RIPOR1: variants seen among roughly 807,000 people sequenced by gnomAD.
RIPOR1 encodes rho family-interacting cell polarization regulator 1.
RIPOR1 carries 58 observed loss-of-function variants against 116.5 expected under a neutral mutation model. The observed-to-expected ratio is 0.50, with a 90% CI of 0.40 to 0.62. The LOEUF (loss-of-function observed/expected upper bound fraction) is 0.62, where lower values mean the gene tolerates loss of function less well. RIPOR1 is among the 20% of genes least tolerant of loss of function. The pLI is 0.00. For missense variants in RIPOR1, 1,372 were observed against 1,586.2 expected (o/e 0.86, Z 2.29); for synonymous variants, 605 against 650.0 (o/e 0.93, Z 1.05).
At chr16:67,521,464 C>T (rs1267323590) in intron 1 of RIPOR1, among the ~76,000 whole-genome samples, 1 of 152,228 alleles carries the variant, frequency 6.6e-6, no homozygotes, top group Non-Finnish European at 1.5e-5. Context: ...ACACTGCAGC[C>T]TTCCTTTGTC....
intron 1 of RIPOR1, among the ~76,000 whole-genome samples, chr16:67,535,096 G>C (rs573897588): frequency 6.6e-6 from 1 of 152,158 alleles, no homozygotes; most frequent in East Asian, 1.9e-4. Context: ...ACCCACCTCT[G>C]CCTCCCAAAG....
Position 67,541,601 on chromosome 16 carries a change from G to GAGGAGGGCC in RIPOR1, c.950+32_951-35dup, listed in dbSNP as rs768811946. On this transcript the variant is annotated intron_variant, in intron 11 of 21. Coordinates refer to ENST00000042381, the MANE Select transcript of RIPOR1 (RefSeq NM_024519.4). This position sits in a 1 kb window ranked among gnomAD's most constrained non-coding sequence, Gnocchi z 4.6. ...GAGGTTGGTGGGGCTGAGAGGCTTG[G>GAGGAGGGCC]AGGAGGGCCAGGAGGGCTGTGGCAC... 18 of 1,613,890 alleles carry GAGGAGGGCC rather than the reference G, an allele frequency of 1.1e-5. No homozygotes were observed. The highest frequency in any genetic ancestry group is 1.4e-5 in the Non-Finnish European group (16 of 1,179,934).
intron 1 of RIPOR1, among the ~76,000 whole-genome samples, chr16:67,521,192 C>A (rs755295368): frequency 1.2e-4 from 19 of 152,194 alleles, no homozygotes; most frequent in Non-Finnish European, 2.5e-4. Flanking sequence ...GCCAGGGGCA[C>A]CCCCTTGAGC....
Position 67,542,912 on chromosome 16 carries a change from C to G in RIPOR1, c.2126C>G (p.Pro709Arg). The G allele has an allele frequency of 6.2e-7, 1 of 1,607,366 alleles. No homozygotes were observed. The highest frequency in any genetic ancestry group is 1.1e-5 in the South Asian group (1 of 90,198). The change falls in exon 13 of 22, where the codon CCA becomes CGA. Residue 709 changes from proline to arginine, a missense_variant. Physicochemically the swap from Pro to Arg is moderately radical, Grantham distance 103. Transcript: ENST00000042381. The surrounding 1 kb of genome is among the most constrained non-coding windows in gnomAD (Gnocchi z 4.6). ...PGTDSLPCSPPVSNSYTQADP... is the reference protein window; with the variant it reads ...PGTDSLPCSPRVSNSYTQADP... The stretch of plus-strand genomic sequence containing the variant: ...ACTGACTCCCTTCCCTGTAGTCCCC[C>G]AGTCTCCAATTCCTACACTCAGGCA...
upstream of RIPOR1, among the ~76,000 whole-genome samples, chr16:67,525,091 C>G (rs1336509013): frequency 6.6e-6 from 1 of 152,256 alleles, no homozygotes; most frequent in African/African-American, 2.4e-5. Context: ...CCCCCAGCCT[C>G]AGCTGCTCCT....
In RIPOR1 at chr16:67,544,261, G is replaced by T; in HGVS notation, c.2601-38G>T. ...TAAACGCTGGTGACCAGGTGGTGAT[G>T]TGTGCCTGTGGGGTGGTGGACCCCA... On this transcript the variant is annotated intron_variant, in intron 14 of 21. Coordinates refer to ENST00000042381, the MANE Select transcript of RIPOR1 (RefSeq NM_024519.4). The surrounding 1 kb of genome is among the most constrained non-coding windows in gnomAD (Gnocchi z 5.1). 1.3e-6 allele frequency: 2 copies of T among 1,573,346 alleles called. No individual in the cohort carries two copies. The highest frequency in any genetic ancestry group is 8.7e-7 in the Non-Finnish European group (1 of 1,152,322).
intron 1 of RIPOR1, 117 bp from the exon 2 acceptor site, chr16:67,538,307 C>T: frequency 7.3e-7 from 1 of 1,375,780 alleles, no homozygotes; most frequent in Middle Eastern, 2.1e-4. Flanking sequence ...CGGCCGGAGC[C>T]CGCTGGGGCA....
chr16:67,519,148 T>C lies in RIPOR1; in HGVS notation c.-24+535T>C, dbSNP rs567500290. ...AAAAATGCACTACTACGCGTGCTGA[T>C]GCACATTTGTAGTGCCAGCTACTTG... On this transcript the variant is annotated intron_variant, in intron 1 of 1. Transcript: ENST00000562116. Among the ~76,000 whole-genome samples the C allele has an allele frequency of 3.9e-4, 60 of 152,266 alleles. 1 individual carries two copies. The highest frequency in any genetic ancestry group is 7.2e-4 in the Admixed American group (11 of 15,296).
rs2051036273 is a variant in RIPOR1, at chr16:67,542,892, C to T, written c.2106C>T (p.Asp702=). The part of the protein sequence containing the change: ...KHSDPTLPGT[D]SLPCSPPVSN... ...CAGACCCCACCCTCCCAGGCACTGA[C>T]TCCCTTCCCTGTAGTCCCCCAGTCT... Residue 702 remains aspartate, a synonymous_variant, in exon 13 of 22, where the codon GAC becomes GAT. Coordinates refer to ENST00000042381, the MANE Select transcript of RIPOR1 (RefSeq NM_024519.4). The surrounding 1 kb of genome is among the most constrained non-coding windows in gnomAD (Gnocchi z 4.6). The T allele has an allele frequency of 6.2e-7, 1 of 1,611,690 alleles. No homozygotes were observed.
chr16:67,531,672 G>A lies in RIPOR1; in HGVS notation c.-24+2758G>A, dbSNP rs111574912. On this transcript the variant is annotated intron_variant, in intron 1 of 21. Transcript: ENST00000042381. This position sits in a 1 kb window ranked among gnomAD's most constrained non-coding sequence, Gnocchi z 4.2. Reference sequence around the variant, plus strand: ...TCAGTTGCTGGAACAGAGAAAGCAGGGGACTGGGAGGAGAGGAGTGGTTGA... The same window carrying A: ...TCAGTTGCTGGAACAGAGAAAGCAGAGGACTGGGAGGAGAGGAGTGGTTGA... 76 of 451,954 alleles carry A rather than the reference G, an allele frequency of 1.7e-4. No individual in the cohort carries two copies. The highest frequency in any genetic ancestry group is 1.2e-3 in the African/African-American group (59 of 49,966). The allele number at this position is 451,954 out of a possible 1,614,324, so 28.0% of individuals were successfully genotyped here. A position where few individuals can be genotyped will look rare whatever the true frequency, so the allele number is the denominator to read the frequency against.
upstream of RIPOR1, among the ~76,000 whole-genome samples, chr16:67,526,011 C>T (rs771897208): frequency 8.5e-5 from 13 of 152,252 alleles, no homozygotes; most frequent in South Asian, 2.1e-4. Flanking sequence ...CTGTGACCCT[C>T]GGAGGGATGC....
chr16:67,541,917 G>A lies in RIPOR1; in HGVS notation c.1131G>A (p.Leu377=). The change falls in exon 13 of 22, where the codon CTG becomes CTA. Residue 377 remains leucine (L), a synonymous_variant. Transcript: ENST00000042381. This position sits in a 1 kb window ranked among gnomAD's most constrained non-coding sequence, Gnocchi z 4.6. ...TGGAGAATGGGACAGCATGGTCCCT[G>A]TCATCTGAATCTTCAGACGACTCAT... is the stretch of plus-strand genomic sequence containing the variant. ...EELENGTAWS[L]SSESSDDSSS... 1.2e-6 allele frequency: 2 copies of A among 1,612,062 alleles called. No homozygotes were observed. The highest frequency in any genetic ancestry group is 1.7e-6 in the Non-Finnish European group (2 of 1,179,146).
chr16:67,542,899 C>T lies in RIPOR1; in HGVS notation c.2113C>T (p.Pro705Ser). 6.2e-7 allele frequency: 1 copy of T among 1,609,830 alleles called. No individual in the cohort carries two copies. ...CACCCTCCCAGGCACTGACTCCCTT[C>T]CCTGTAGTCCCCCAGTCTCCAATTC... ...DPTLPGTDSL[P>S]CSPPVSNSYT... Residue 705 changes from proline to serine, a missense_variant, in exon 13 of 22, where the codon CCC (proline) becomes TCC (serine). Transcript: ENST00000042381. The surrounding 1 kb of genome is among the most constrained non-coding windows in gnomAD (Gnocchi z 4.6).
upstream of RIPOR1, among the ~76,000 whole-genome samples, chr16:67,526,034 G>A (rs935594705): frequency 1.3e-5 from 2 of 152,066 alleles, no homozygotes; most frequent in African/African-American, 2.4e-5. Context: ...CCCTTCCCTC[G>A]AGGCCCCTTG....
At chr16:67,526,198 C>T (rs1206585072), upstream of RIPOR1, among the ~76,000 whole-genome samples, 4 of 152,138 alleles carry the variant, frequency 2.6e-5, no homozygotes, top group Admixed American at 2.6e-4. Flanking sequence ...GAGGAAGGGA[C>T]ATCTGAGCTG....
In RIPOR1 at chr16:67,543,878, T is replaced by C; in HGVS notation, c.2600+409T>C. 2.9e-6 allele frequency: 1 copy of C among 349,098 alleles called. No individual in the cohort carries two copies. Among genetic ancestry groups the C allele is most frequent in the East Asian group, 6.1e-5 (1 of 16,296 alleles). The allele number at this position is 349,098 out of a possible 1,614,324, so 21.6% of individuals were successfully genotyped here. On this transcript the variant is annotated intron_variant, in intron 14 of 21. Transcript: ENST00000042381. This position sits in a 1 kb window ranked among gnomAD's most constrained non-coding sequence, Gnocchi z 4.7. ...TGCCCCACTCCTTCTCAACCCCGAC[T>C]CTCCCAGAGGCCCTGGCCCCTCAAC...
chr16:67,527,293 C>A (rs906367495), upstream of RIPOR1, among the ~76,000 whole-genome samples: 4 of 150,994 alleles, frequency 2.6e-5, no homozygotes, highest in African/African-American at 7.3e-5. Flanking sequence ...GACATCTCTA[C>A]CAAAAATATA....
At chr16:67,523,521 TAAAAAAAAAAAAAAA>T (rs1169903442) in intron 1 of RIPOR1, among the ~76,000 whole-genome samples, 2 of 44,044 alleles carry the variant, frequency 4.5e-5, no homozygotes, top group East Asian at 8.8e-4. Flanking sequence ...CAAGACTCCA[TAAAAAAAAAAAAAAA>T]AAAAAAAAAA....
In RIPOR1 at chr16:67,531,259, C is replaced by G. The variant is rs931333082; in HGVS notation, c.-24+2345C>G. ...GGTGGACATAGACTTAAAATCCTCC[C>G]CACCAACAAACAGCTCAGGACCTGC... On this transcript the variant is annotated intron_variant, in intron 1 of 21. Transcript: ENST00000042381. The surrounding 1 kb of genome is among the most constrained non-coding windows in gnomAD (Gnocchi z 4.2). Among the ~76,000 whole-genome samples, 1 of 151,706 alleles carries G rather than the reference C, an allele frequency of 6.6e-6. No homozygotes were observed. Among genetic ancestry groups the G allele is most frequent in the African/African-American group, 2.4e-5 (1 of 41,280 alleles).
Sources: allele counts gnomAD v4.1 joint callset (sites outside exome capture counted in the v4.1 genomes callset), GRCh38; gene constraint gnomAD v4.1.1; non-coding constraint Gnocchi (gnomAD v3.1); transcripts MANE v1.5; gene names NCBI Gene and HGNC (gene_info 2026-07-23, HGNC 2026-07-21).